SUGCT: variants seen among roughly 807,000 people sequenced by gnomAD.
The protein encoded by SUGCT is succinyl-CoA:glutarate-CoA transferase.
In SUGCT, 41 loss-of-function variants were observed where a neutral mutation model predicts 55.0. The ratio of observed to expected loss-of-function variants is 0.74; its 90% CI spans 0.58 to 0.97. The LOEUF (loss-of-function observed/expected upper bound fraction) is 0.97. Ranked by LOEUF, SUGCT falls within the 50% of genes least tolerant of loss-of-function variation. The pLI is 0.00. For missense variants in SUGCT, 568 were observed against 547.8 expected, an observed-to-expected ratio of 1.04 and a Z score of -0.37; for synonymous variants, 187 against 200.4, an observed-to-expected ratio of 0.93 and a Z score of 0.56.
Position 40,386,372 on chromosome 7 carries a change from A to G in SUGCT, c.817-62915A>G, listed in dbSNP as rs548443881. Among the ~76,000 whole-genome samples, 81 of 152,308 alleles carry G rather than the reference A, an allele frequency of 5.3e-4. 1 individual carries two copies. Among genetic ancestry groups the G allele is most frequent in the African/African-American group, 1.9e-3 (78 of 41,558 alleles). On this transcript the variant is annotated intron_variant, in intron 9 of 13. Transcript: ENST00000335693. ...CCATCTTGACGGGAATCTCAGTTAT[A>G]ATGGGGCTCCCTCACTCACAAAGTT...
intron 12 of SUGCT, among the ~76,000 whole-genome samples, chr7:40,514,393 T>G (rs1450866344): frequency 6.6e-6 from 1 of 151,844 alleles, no homozygotes; most frequent in Non-Finnish European, 1.5e-5. Flanking sequence ...CAGAAAAATA[T>G]GAGATTTATT....
the SUGCT span, among the ~76,000 whole-genome samples, chr7:41,010,017 C>T: frequency 1.3e-5 from 2 of 152,156 alleles, no homozygotes; most frequent in Non-Finnish European, 2.9e-5. Context: ...TGTGTTTGCG[C>T]TGGATGTGTA....
intron 7 of SUGCT, among the ~76,000 whole-genome samples, chr7:40,246,642 A>G (rs1789901225): frequency 6.8e-6 from 1 of 147,164 alleles, no homozygotes; most frequent in African/African-American, 2.5e-5. Flanking sequence ...TGTTGCCCAG[A>G]CTGGAGTGCA....
At chr7:40,268,663 T>C (rs1185709563) in intron 7 of SUGCT, among the ~76,000 whole-genome samples, 2 of 152,054 alleles carry the variant, frequency 1.3e-5, no homozygotes, top group Admixed American at 6.6e-5. Flanking sequence ...ATTTTTTTTT[T>C]TTCCGAGTTG....
chr7:40,708,939 G>A (rs1046916975), intron 12 of SUGCT, among the ~76,000 whole-genome samples: 1 of 152,178 alleles, frequency 6.6e-6, no homozygotes, highest in Non-Finnish European at 1.5e-5. Context: ...GGCTTTGCCT[G>A]TAGAGTTTAC....
At chr7:40,724,019 A>G (rs1432748977) in intron 12 of SUGCT, among the ~76,000 whole-genome samples, 1 of 152,222 alleles carries the variant, frequency 6.6e-6, no homozygotes, top group Non-Finnish European at 1.5e-5. Context: ...AATTAAGATC[A>G]GAAAAAATGA....
At chr7:40,363,145 G>C (rs1370488457) in intron 9 of SUGCT, among the ~76,000 whole-genome samples, 3 of 151,880 alleles carry the variant, frequency 2.0e-5, no homozygotes. Flanking sequence ...ATTTCTGTGG[G>C]ATCGGTGGTG....
At chr7:40,664,999 CTT>C (rs1801540234) in intron 12 of SUGCT, among the ~76,000 whole-genome samples, 1 of 146,876 alleles carries the variant, frequency 6.8e-6, no homozygotes. Flanking sequence ...AAAAAAAAAT[CTT>C]TTTCTGTGTC....
intron 12 of SUGCT, among the ~76,000 whole-genome samples, chr7:40,587,608 A>G (rs889436861): frequency 2.6e-5 from 4 of 152,230 alleles, no homozygotes; most frequent in African/African-American, 7.2e-5. Flanking sequence ...TGTCATTGCC[A>G]TGGCAAAGCA....
chr7:40,146,192 G>A (rs1329744569), intron 1 of SUGCT, among the ~76,000 whole-genome samples: 1 of 151,854 alleles, frequency 6.6e-6, no homozygotes, highest in African/African-American at 2.4e-5. Context: ...TCTTCTGCTA[G>A]CAAAGCAGTT....
intron 9 of SUGCT, among the ~76,000 whole-genome samples, chr7:40,384,017 A>C (rs1019837990): frequency 6.6e-6 from 1 of 152,168 alleles, no homozygotes; most frequent in African/African-American, 2.4e-5. Flanking sequence ...GGTGTAACTA[A>C]ATAATTAATT....
intron 9 of SUGCT, among the ~76,000 whole-genome samples, chr7:40,386,727 T>C (rs894712954): frequency 6.6e-6 from 1 of 152,200 alleles, no homozygotes; most frequent in African/African-American, 2.4e-5. Flanking sequence ...TTGGGACTGT[T>C]GTCCCAGGGG....
chr7:40,991,306 G>T, the SUGCT span, among the ~76,000 whole-genome samples: 4 of 152,112 alleles, frequency 2.6e-5, no homozygotes, highest in African/African-American at 7.2e-5. Flanking sequence ...AATCAGATTT[G>T]CCATCTTCAC....
At chr7:41,021,206 G>A in the SUGCT span, among the ~76,000 whole-genome samples, 3 of 152,214 alleles carry the variant, frequency 2.0e-5, no homozygotes, top group Admixed American at 6.5e-5. Context: ...GACAAGCAAA[G>A]TTATGGACTA....
At chr7:40,699,580 C>T (rs1323959245) in intron 12 of SUGCT, among the ~76,000 whole-genome samples, 7 of 152,130 alleles carry the variant, frequency 4.6e-5, no homozygotes, top group Non-Finnish European at 8.8e-5. Flanking sequence ...TGTTTAAATG[C>T]TGTTAAGGCC....
chr7:40,632,860 G>A (rs1462492017), intron 12 of SUGCT, among the ~76,000 whole-genome samples: 1 of 152,132 alleles, frequency 6.6e-6, no homozygotes, highest in African/African-American at 2.4e-5. Flanking sequence ...AGTGTCACTA[G>A]GGTTGCCTAA....
chr7:40,181,919 TG>T (rs1785235513), intron 2 of SUGCT, 35 bp from the exon 3 acceptor site: 1 of 1,239,302 alleles, frequency 8.1e-7, no homozygotes, highest in African/African-American at 1.5e-5. Context: ...ATTTTCAAGA[TG>T]GTAATTAATT....
chr7:40,350,636 T>C (rs1280735049), intron 9 of SUGCT, among the ~76,000 whole-genome samples: 1 of 152,036 alleles, frequency 6.6e-6, no homozygotes, highest in Non-Finnish European at 1.5e-5. Flanking sequence ...TGGCCTATTA[T>C]ATTTAGATTT....
intron 9 of SUGCT, among the ~76,000 whole-genome samples, chr7:40,373,906 T>G (rs1029323432): frequency 2.6e-5 from 4 of 152,170 alleles, no homozygotes; most frequent in Admixed American, 1.3e-4. Flanking sequence ...AATGCCTATA[T>G]TAATTTTCTT....
Sources: gnomAD v4.1 joint callset for allele counts (sites outside exome capture counted in the v4.1 genomes callset) on GRCh38, gnomAD v4.1.1 for gene constraint, MANE v1.5 for transcripts, NCBI Gene and HGNC (gene_info 2026-07-23, HGNC 2026-07-21) for gene names.